The following PDE4D variants were observed in gnomAD, a reference collection of about 807,000 sequenced individuals.
PDE4D encodes the protein phosphodiesterase 4D.
In PDE4D, 24 loss-of-function variants were observed where a neutral mutation model predicts 87.4. The observed-to-expected ratio is 0.27, with a 90% confidence interval of 0.20 to 0.39. PDE4D has a LOEUF of 0.39. PDE4D is among the 10% of genes least tolerant of loss of function. The pLI is 1.00. For synonymous variants in PDE4D, 384 were observed against 383.2 expected (o/e 1.00, Z -0.02); for missense variants, 714 against 1,041.0 (o/e 0.69, Z 4.32).
intron 3 of PDE4D, among the ~76,000 whole-genome samples, chr5:59,907,577 C>A (rs546569525): frequency 6.6e-6 from 1 of 152,198 alleles, no homozygotes; most frequent in South Asian, 2.1e-4. Flanking sequence ...TGCACATGTA[C>A]CCCTGAACCT....
At chr5:60,366,508 A>G (rs1369150369) in intron 1 of PDE4D, among the ~76,000 whole-genome samples, 2 of 152,192 alleles carry the variant, frequency 1.3e-5, no homozygotes, top group African/African-American at 4.8e-5. Flanking sequence ...CATCAAAAGC[A>G]TTTACCAGAT....
At chr5:59,529,506 G>A (rs563444864) in intron 1 of PDE4D, among the ~76,000 whole-genome samples, 1 of 152,282 alleles carries the variant, frequency 6.6e-6, no homozygotes, top group East Asian at 1.9e-4. Context: ...AGGGGCACAA[G>A]CATTGACCTT....
At chr5:60,101,870 T>A (rs1776252895) in intron 2 of PDE4D, among the ~76,000 whole-genome samples, 3 of 152,182 alleles carry the variant, frequency 2.0e-5, no homozygotes, top group Admixed American at 1.3e-4. Flanking sequence ...TATTATATTT[T>A]TAATTTACTG....
chr5:59,553,222 AC>A (rs1818400589), intron 1 of PDE4D, among the ~76,000 whole-genome samples: 1 of 152,000 alleles, frequency 6.6e-6, no homozygotes, highest in African/African-American at 2.4e-5. Context: ...TAGGCCCCTC[AC>A]TTTCCCTCAC....
chr5:59,705,148 A>C (rs1450827331), intron 1 of PDE4D, among the ~76,000 whole-genome samples: 2 of 152,156 alleles, frequency 1.3e-5, no homozygotes, highest in Non-Finnish European at 2.9e-5. Flanking sequence ...TTGGAATTTA[A>C]TATTGACTGT....
At chr5:59,200,229 ACATATGTGTATG>A in intron 2 of PDE4D, among the ~76,000 whole-genome samples, 1 of 145,604 alleles carries the variant, frequency 6.9e-6, no homozygotes, top group African/African-American at 2.6e-5. Context: ...ATGTATACAT[ACATATGTGTATG>A]TACAGCTACA....
At chr5:59,816,460 C>G (rs1270319601) in intron 1 of PDE4D, among the ~76,000 whole-genome samples, 1 of 152,162 alleles carries the variant, frequency 6.6e-6, no homozygotes, top group Non-Finnish European at 1.5e-5. Flanking sequence ...AGAGAAGGAT[C>G]CTGCCCTCAT....
At position 60,366,234 on chromosome 5, in the gene PDE4D, C is replaced by CTT. The variant is rs1185612181; in HGVS notation, c.-90+121706_-90+121707dup. ...TCCCCTTGTTTGTGCAGATAGCATG[C>CTT]TTTTTTTCCCCATTTCTCAGGGTTT... On this transcript the variant is annotated intron_variant, in intron 1 of 16. Coordinates refer to the PDE4D transcript ENST00000502484. Among the ~76,000 whole-genome samples the CTT allele has an allele frequency of 8.8e-4, 134 of 152,050 alleles. 1 individual carries two copies. Among genetic ancestry groups the CTT allele is most frequent in the Middle Eastern group, 3.4e-3 (1 of 294 alleles).
At chr5:60,241,578 C>A (rs1351025354) in intron 1 of PDE4D, among the ~76,000 whole-genome samples, 2 of 151,872 alleles carry the variant, frequency 1.3e-5, no homozygotes, top group Non-Finnish European at 2.9e-5. Flanking sequence ...AGAATTGATC[C>A]AGCAGAAGAA....
At chr5:59,678,848 GTTAC>G (rs1748552611) in intron 1 of PDE4D, among the ~76,000 whole-genome samples, 2 of 152,218 alleles carry the variant, frequency 1.3e-5, no homozygotes, top group East Asian at 3.9e-4. Flanking sequence ...CCTACTTCTT[GTTAC>G]TTGAGGATAA....
intron 2 of PDE4D, among the ~76,000 whole-genome samples, chr5:60,084,356 G>A (rs1158678821): frequency 6.6e-6 from 1 of 152,088 alleles, no homozygotes; most frequent in East Asian, 1.9e-4. Context: ...TTAGAAATAT[G>A]ACATTTTATG....
intron 6 of PDE4D, among the ~76,000 whole-genome samples, chr5:59,018,666 A>C (rs1754508666): frequency 6.6e-6 from 1 of 152,182 alleles, no homozygotes; most frequent in South Asian, 2.1e-4. Context: ...TACTAAGAAA[A>C]CACATCACGC....
intron 6 of PDE4D, among the ~76,000 whole-genome samples, chr5:58,994,178 C>T (rs975709094): frequency 6.6e-6 from 1 of 152,106 alleles, no homozygotes; most frequent in Non-Finnish European, 1.5e-5. Flanking sequence ...TTACCATTTT[C>T]CCAAGTCACT....
At chr5:59,229,107 T>A (rs1438319536) in intron 1 of PDE4D, among the ~76,000 whole-genome samples, 4 of 152,028 alleles carry the variant, frequency 2.6e-5, no homozygotes, top group African/African-American at 9.7e-5. Context: ...ATCATCTTAC[T>A]CACCCCATTA....
At position 60,106,900 on chromosome 5, in the gene PDE4D, A is replaced by G. The variant is rs562230562; in HGVS notation, c.42+78657T>C. ...TTATAGCACTAAATGCCCACAAGAGAAAGCAGGAAAGATCCAAAATTGACA... is the reference window on the plus strand; with the variant it reads ...TTATAGCACTAAATGCCCACAAGAGGAAGCAGGAAAGATCCAAAATTGACA... On this transcript the variant is annotated intron_variant, in intron 2 of 16. Transcript: ENST00000502484. Among the ~76,000 whole-genome samples the G allele has an allele frequency of 6.4e-3, 969 of 151,702 alleles. 14 individuals carry two copies. The highest frequency in any genetic ancestry group is 0.045 in the East Asian group (233 of 5,142).
chr5:59,895,250 T>C (rs1205074040), upstream of PDE4D, among the ~76,000 whole-genome samples: 3 of 152,250 alleles, frequency 2.0e-5, no homozygotes, highest in Non-Finnish European at 4.4e-5. Context: ...GTGCTCACTT[T>C]GTTTATCAGC....
chr5:60,320,609 C>T (rs1308432864), intron 1 of PDE4D, among the ~76,000 whole-genome samples: 1 of 152,146 alleles, frequency 6.6e-6, no homozygotes, highest in Non-Finnish European at 1.5e-5. Flanking sequence ...TGTTCCTATT[C>T]AGCCATCTTG....
rs540080534 is a variant in PDE4D, at chr5:60,417,688, A to AT, written c.-90+70253dup. 7.8e-4 allele frequency among the ~76,000 whole-genome samples: 119 copies of AT among 152,064 alleles called. 1 individual carries two copies. Among genetic ancestry groups the AT allele is most frequent in the African/African-American group, 2.7e-3 (113 of 41,494 alleles). On this transcript the variant is annotated intron_variant, in intron 1 of 16. Transcript: ENST00000502484. Reference sequence around the variant, plus strand: ...TTAGAGCTTTAGAATATAAAGAAGAATTTTTTTTAGAAAGCAGTTACCAAG... The same window carrying AT: ...TTAGAGCTTTAGAATATAAAGAAGAATTTTTTTTTAGAAAGCAGTTACCAAG...
chr5:59,232,837 C>T (rs1263552185), intron 1 of PDE4D, among the ~76,000 whole-genome samples: 1 of 151,430 alleles, frequency 6.6e-6, no homozygotes, highest in East Asian at 1.9e-4. Flanking sequence ...TACACACACA[C>T]ATACACATAC....
Sources: allele counts gnomAD v4.1 joint callset (sites outside exome capture counted in the v4.1 genomes callset), GRCh38; gene constraint gnomAD v4.1.1; transcripts MANE v1.5; gene names NCBI Gene and HGNC (gene_info 2026-07-23, HGNC 2026-07-21).